The following SRRM2 variants were observed in gnomAD, a reference collection of about 807,000 sequenced individuals.
The protein encoded by SRRM2 is serine/arginine repetitive matrix protein 2.
Under a neutral mutation model 213.8 loss-of-function variants are expected in SRRM2, and 30 were observed. The observed-to-expected ratio is 0.14, with a 90% CI of 0.10 to 0.19. The LOEUF (loss-of-function observed/expected upper bound fraction) is 0.19. Ranked by LOEUF, SRRM2 falls within the 10% of genes least tolerant of loss-of-function variation. SRRM2 has a pLI of 1.00. For missense variants in SRRM2, 4,904 were observed against 3,647.0 expected, an observed-to-expected ratio of 1.34 and a Z score of -8.88; for synonymous variants, 2,025 against 1,377.7, an observed-to-expected ratio of 1.47 and a Z score of -10.40.
chr16:2,766,357 C>T lies in SRRM2; in HGVS notation c.5829C>T (p.Arg1943=), dbSNP rs1234116062. The T allele has an allele frequency of 1.2e-6, 2 of 1,614,110 alleles. No homozygotes were observed. The highest frequency in any genetic ancestry group is 2.2e-5 in the East Asian group (1 of 44,884). The change falls in exon 11 of 15, where the codon CGC becomes CGT. Residue 1943 remains arginine, a synonymous_variant. Transcript: ENST00000301740. The surrounding 1 kb of genome is among the most constrained non-coding windows in gnomAD (Gnocchi z 7.0). ...RRSRSRTPTT[R]RRSRSRTPPV... ...CAAGGTCTAGAACGCCAACAACACGCCGCCGCTCCCGTTCTAGAACTCCAC... is the reference window on the plus strand; with the variant it reads ...CAAGGTCTAGAACGCCAACAACACGTCGCCGCTCCCGTTCTAGAACTCCAC...
rs1217652144 is a variant in SRRM2 at position 2,756,429 on chromosome 16, A to ACCTGTC, written c.70_75dup (p.Ser24_Leu25dup). The ACCTGTC allele has an allele frequency of 3.7e-6, 6 of 1,612,220 alleles. No individual in the cohort carries two copies. In the South Asian group the frequency reaches 6.6e-5, roughly 18 times the overall value. On this transcript the variant is annotated inframe_insertion, in exon 2 of 15. Transcript: ENST00000301740. ...GGCACCAACGGCTACGTCCAGCGCA[A>ACCTGTC]CCTGTCCCTGGTGCGGGGCCGCCGG...
intron 3 of SRRM2, 51 bp downstream of exon 3, chr16:2,757,630 G>A (rs2068192757): frequency 6.3e-7 from 1 of 1,579,026 alleles, no homozygotes; most frequent in Non-Finnish European, 8.6e-7. Flanking sequence ...CTGGCTGCTG[G>A]CTGCTGCTGC....
chr16:2,756,563 G>A lies in SRRM2; in HGVS notation c.199G>A (p.Glu67Lys). Residue 67 changes from glutamate (E) to lysine (K), a missense_variant, in exon 2 of 15, where the codon GAG (glutamate) becomes AAG (lysine). Physicochemically the swap from Glu to Lys is moderately conservative, Grantham distance 56 (BLOSUM62 1). Transcript: ENST00000301740. ...ILDHERKRRV[E>K]LRCLELEEMM... The stretch of plus-strand genomic sequence containing the variant: ...GGACCACGAGCGCAAGCGGCGCGTC[G>A]AGCTGCGATGCCTCGAGCTGGAGGA... The A allele has an allele frequency of 1.2e-6, 2 of 1,614,028 alleles. No individual in the cohort carries two copies. The highest frequency in any genetic ancestry group is 2.2e-5 in the East Asian group (1 of 44,880).
In SRRM2 at chr16:2,771,282, C is replaced by T; in HGVS notation, c.*415C>T. 1 of 864,082 alleles carries T rather than the reference C, an allele frequency of 1.2e-6. No individual in the cohort carries two copies. Among genetic ancestry groups the T allele is most frequent in the Non-Finnish European group, 1.9e-6 (1 of 528,758 alleles). 53.5% of individuals were successfully genotyped at this position (864,082 alleles called of 1,614,324 possible). On this transcript the variant is annotated 3_prime_UTR_variant, in exon 15 of 15. Transcript: ENST00000301740. ...GGGGCAGGAGTTGGAATTAGTTGGT[C>T]CCTACTGTCCCCCATGAGGTTGTGA...
In SRRM2 at chr16:2,770,621, G is replaced by A. The variant is rs141491827; in HGVS notation, c.8153G>A (p.Gly2718Asp). 1.2e-5 allele frequency: 18 copies of A among 1,552,820 alleles called. No homozygotes were observed. In the African/African-American group the frequency reaches 1.9e-4, roughly 17 times the overall value. The change falls in exon 14 of 15, where the codon GGT becomes GAT. Residue 2718 changes from glycine to aspartate, a missense_variant. By Grantham distance (94) the Gly-to-Asp change is moderately conservative (BLOSUM62 -1). Coordinates refer to ENST00000301740, the MANE Select transcript of SRRM2 (RefSeq NM_016333.4). Reference sequence around the variant, plus strand: ...TGTTGCAGCAGCAGCAGTGAGCGGGGTTCCCGGAGAGGCCAGCGTGGGGAC... The same window carrying A: ...TGTTGCAGCAGCAGCAGTGAGCGGGATTCCCGGAGAGGCCAGCGTGGGGAC... ...RDQQSSSSER[G>D]SRRGQRGDSR...
Position 2,752,730 on chromosome 16 carries a change from C to T in SRRM2, c.-148C>T, listed in dbSNP as rs1361508879. On this transcript the variant is annotated 5_prime_UTR_variant, in exon 1 of 15. Transcript: ENST00000301740. The stretch of plus-strand genomic sequence containing the variant: ...GGAAGCGAGGAGGCGTCGGCGTCGG[C>T]TGAGGCGGGCGGACCGGCGAGGCGA... 8.6e-6 allele frequency: 3 copies of T among 350,798 alleles called. No individual in the cohort carries two copies. The allele number at this position is 350,798 out of a possible 1,614,324, so 21.7% of individuals were successfully genotyped here.
Position 2,764,194 on chromosome 16 carries a change from A to T in SRRM2, c.3666A>T (p.Thr1222=). 6.2e-7 allele frequency: 1 copy of T among 1,614,240 alleles called. No individual in the cohort carries two copies. Among genetic ancestry groups the T allele is most frequent in the Non-Finnish European group, 8.5e-7 (1 of 1,180,040 alleles). The stretch of plus-strand genomic sequence containing the variant: ...GTGGTGCTGGGTCATCTCCAGAAAC[A>T]AAAGAGCAAAATAGTGCATTGCCTA... ...ERSGAGSSPE[T]KEQNSALPTS... is the part of the protein sequence containing the mutation. The change falls in exon 11 of 15, where the codon ACA becomes ACT. Residue 1222 remains threonine, a synonymous_variant. Coordinates refer to ENST00000301740, the MANE Select transcript of SRRM2 (RefSeq NM_016333.4).
chr16:2,758,847 G>C, intron 5 of SRRM2, 138 bp from the exon 6 acceptor site: 1 of 892,182 alleles, frequency 1.1e-6, no homozygotes, highest in Non-Finnish European at 1.7e-6. Context: ...GAAGAAATAA[G>C]TCCTGGGCTT....
At position 2,765,934 on chromosome 16, in the gene SRRM2, G is replaced by A. The variant is rs1446826937; in HGVS notation, c.5406G>A (p.Gln1802=). Residue 1802 remains glutamine (Q), a synonymous_variant, in exon 11 of 15, where the codon CAG becomes CAA. Coordinates refer to ENST00000301740, the MANE Select transcript of SRRM2 (RefSeq NM_016333.4). ...GSSQSTSRRR[Q]RSRSRSRVTR... The stretch of plus-strand genomic sequence containing the variant: ...CTCAGTCAACCTCTCGGCGAAGACA[G>A]CGGAGCCGGTCAAGGTCGCGGGTTA... 1 of 1,614,098 alleles carries A rather than the reference G, an allele frequency of 6.2e-7. No individual in the cohort carries two copies. The highest frequency in any genetic ancestry group is 8.5e-7 in the Non-Finnish European group (1 of 1,180,040).
rs1381847006 is a variant in SRRM2 at position 2,752,707 on chromosome 16, A to C, written c.-171A>C. On this transcript the variant is annotated 5_prime_UTR_variant, in exon 1 of 15. Transcript: ENST00000301740. ...TTGGAGCCCGTTGCGGCCCCTGAGGAAGCGAGGAGGCGTCGGCGTCGGCTG... is the reference window on the plus strand; with the variant it reads ...TTGGAGCCCGTTGCGGCCCCTGAGGCAGCGAGGAGGCGTCGGCGTCGGCTG... The C allele has an allele frequency of 2.0e-5, 7 of 346,152 alleles. No individual in the cohort carries two copies. Among genetic ancestry groups the C allele is most frequent in the Non-Finnish European group, 4.0e-5 (7 of 173,914 alleles). The allele number at this position is 346,152 out of a possible 1,614,324, so 21.4% of individuals were successfully genotyped here. A position where few individuals can be genotyped will look rare whatever the true frequency, so the allele number is the denominator to read the frequency against.
At position 2,756,525 on chromosome 16, in the gene SRRM2, A is replaced by G; in HGVS notation, c.161A>G (p.Asn54Ser). 1 of 1,614,118 alleles carries G rather than the reference A, an allele frequency of 6.2e-7. No individual in the cohort carries two copies. Among genetic ancestry groups the G allele is most frequent in the Non-Finnish European group, 8.5e-7 (1 of 1,179,988 alleles). The change falls in exon 2 of 15, where the codon AAT (asparagine) becomes AGT (serine). Residue 54 changes from asparagine (N) to serine (S), a missense_variant. Physicochemically the swap from Asn to Ser is conservative, Grantham distance 46. Transcript: ENST00000301740. ...RLEAALVKRP[N>S]PDILDHERKR... ...GAGGCTGCCCTGGTGAAGCGGCCTAATCCTGACATCCTGGACCACGAGCGC... is the reference window on the plus strand; with the variant it reads ...GAGGCTGCCCTGGTGAAGCGGCCTAGTCCTGACATCCTGGACCACGAGCGC...
chr16:2,763,932 A>C lies in SRRM2; in HGVS notation c.3404A>C (p.Gln1135Pro). The C allele has an allele frequency of 6.2e-7, 1 of 1,614,228 alleles. No homozygotes were observed. Among genetic ancestry groups the C allele is most frequent in the Non-Finnish European group, 8.5e-7 (1 of 1,180,050 alleles). Reference sequence around the variant, plus strand: ...TTGAAATCTGGAATGTCTCCTGAGCAGAGCAGGTTCCAGTCTGACTCTTCT... The same window carrying C: ...TTGAAATCTGGAATGTCTCCTGAGCCGAGCAGGTTCCAGTCTGACTCTTCT... The part of the protein sequence containing the change: ...PMLKSGMSPE[Q>P]SRFQSDSSSY... Residue 1135 changes from glutamine (Q) to proline (P), a missense_variant, in exon 11 of 15, where the codon CAG becomes CCG. Coordinates refer to ENST00000301740, the MANE Select transcript of SRRM2 (RefSeq NM_016333.4).
intron 1 of SRRM2, among the ~76,000 whole-genome samples, chr16:2,754,029 C>T (rs2068046993): frequency 6.6e-6 from 1 of 152,258 alleles, no homozygotes; most frequent in East Asian, 1.9e-4. Context: ...TTTTTGTCTT[C>T]CTTTGTACTT....
chr16:2,770,834 G>T, intron 14 of SRRM2, 24 bp from the exon 15 acceptor site: 1 of 1,614,040 alleles, frequency 6.2e-7, no homozygotes, highest in Non-Finnish European at 8.5e-7. Context: ...GGAACTCCCT[G>T]TTGACCCATA....
At chr16:2,758,079 A>T (rs763840798) in intron 4 of SRRM2, 134 bp downstream of exon 4, 1 of 1,160,224 alleles carries the variant, frequency 8.6e-7, no homozygotes, top group Non-Finnish European at 1.2e-6. Flanking sequence ...GGTGTCCAAA[A>T]AAATGTGTCC....
Position 2,766,866 on chromosome 16 carries a change from G to T in SRRM2, c.6338G>T (p.Arg2113Ile). 1 of 1,614,160 alleles carries T rather than the reference G, an allele frequency of 6.2e-7. No homozygotes were observed. Among genetic ancestry groups the T allele is most frequent in the Non-Finnish European group, 8.5e-7 (1 of 1,180,038 alleles). Residue 2113 changes from arginine (R) to isoleucine (I), a missense_variant, in exon 11 of 15, where the codon AGA (arginine) becomes ATA (isoleucine). Arg to Ile is a moderately conservative substitution (Grantham distance 97). Transcript: ENST00000301740. The surrounding 1 kb of genome is among the most constrained non-coding windows in gnomAD (Gnocchi z 7.0). ...CCTCCAGTAGCACTCAACAGTTCCA[G>T]AATGAGCTGCTTCAGTCGTCCTAGC... ...RTPPVALNSSRMSCFSRPSMS... is the reference protein window; with the variant it reads ...RTPPVALNSSIMSCFSRPSMS...
At chr16:2,754,455 C>T (rs958410811) in intron 1 of SRRM2, among the ~76,000 whole-genome samples, 5 of 152,136 alleles carry the variant, frequency 3.3e-5, no homozygotes, top group African/African-American at 1.2e-4. Flanking sequence ...CGCCGCCCAG[C>T]TAATTTTTGT....
In SRRM2 at chr16:2,766,898, C is replaced by T; in HGVS notation, c.6370C>T (p.Pro2124Ser). ...MSCFSRPSMS[P>S]TPLDRCRSPG... ...CTGCTTCAGTCGTCCTAGCATGTCCCCAACACCTCTTGATCGCTGCAGATC... is the reference window on the plus strand; with the variant it reads ...CTGCTTCAGTCGTCCTAGCATGTCCTCAACACCTCTTGATCGCTGCAGATC... Residue 2124 changes from proline to serine, a missense_variant, in exon 11 of 15, where the codon CCA becomes TCA. Transcript: ENST00000301740. This position sits in a 1 kb window ranked among gnomAD's most constrained non-coding sequence, Gnocchi z 7.0. The T allele has an allele frequency of 1.2e-6, 2 of 1,614,134 alleles. No individual in the cohort carries two copies. The highest frequency in any genetic ancestry group is 1.7e-6 in the Non-Finnish European group (2 of 1,180,028).
At chr16:2,754,833 A>AT (rs1422379869) in intron 1 of SRRM2, among the ~76,000 whole-genome samples, 2 of 151,972 alleles carry the variant, frequency 1.3e-5, no homozygotes, top group East Asian at 3.9e-4. Flanking sequence ...ACAGTTTTTC[A>AT]TTTTTTCCTG....
Sources: gnomAD v4.1 joint callset for allele counts (sites outside exome capture counted in the v4.1 genomes callset) on GRCh38, gnomAD v4.1.1 for gene constraint, Gnocchi (gnomAD v3.1) non-coding constraint, MANE v1.5 for transcripts, NCBI Gene and HGNC (gene_info 2026-07-23, HGNC 2026-07-21) for gene names.